Variants in DACH2 observed in about 807,000 individuals in gnomAD.
The protein encoded by DACH2 is dachshund family transcription factor 2.
A neutral mutation model predicts 35.8 loss-of-function variants in DACH2; 17 were observed. That is an observed-to-expected ratio of 0.48 (90% CI 0.33 to 0.71). The LOEUF is 0.71. Ranked by LOEUF, DACH2 falls within the 30% of genes least tolerant of loss-of-function variation. The probability of loss-of-function intolerance (pLI) is 0.02; values close to 1 mark genes in which losing one functional copy is unlikely to be tolerated. For missense variants in DACH2, 469 were observed against 472.7 expected, an observed-to-expected ratio of 0.99 and a Z score of 0.07; for synonymous variants, 195 against 177.3, an observed-to-expected ratio of 1.10 and a Z score of -0.79.
intron 2 of DACH2, among the ~76,000 whole-genome samples, chrX:86,385,491 C>T (rs968569130): frequency 1.8e-5 from 2 of 111,238 alleles, no homozygotes; most frequent in Non-Finnish European, 3.8e-5. Flanking sequence ...ATTCAGTATA[C>T]AACAATTTAC....
intron 3 of DACH2, among the ~76,000 whole-genome samples, chrX:86,527,132 A>G (rs2038645131): frequency 9.0e-6 from 1 of 111,633 alleles, no homozygotes; most frequent in Non-Finnish European, 1.9e-5. Context: ...ATCAGTTGAT[A>G]GATGTCTGCC....
chrX:86,309,385 T>A (rs2034753022), intron 1 of DACH2, among the ~76,000 whole-genome samples: 1 of 112,368 alleles, frequency 8.9e-6, no homozygotes, highest in Admixed American at 9.4e-5. Flanking sequence ...CCATTCCTGT[T>A]TATAAGCCCC....
At chrX:86,277,764 G>A (rs2033945712) in intron 1 of DACH2, among the ~76,000 whole-genome samples, 2 of 111,780 alleles carry the variant, frequency 1.8e-5, no homozygotes, top group South Asian at 7.5e-4. Flanking sequence ...ATTGAAGCCA[G>A]TCCTTTTACA....
At chrX:86,234,164 G>A (rs888352658) in intron 1 of DACH2, among the ~76,000 whole-genome samples, 1 of 112,153 alleles carries the variant, frequency 8.9e-6, no homozygotes, top group African/African-American at 3.2e-5. Context: ...CACTTTGAAT[G>A]AAGAGGATTT....
chrX:86,445,949 G>A (rs925639120), intron 2 of DACH2, among the ~76,000 whole-genome samples: 1 of 111,547 alleles, frequency 9.0e-6, no homozygotes, highest in Non-Finnish European at 1.9e-5. Context: ...TAAGTGAGAC[G>A]TTGATGTCCC....
chrX:86,292,718 C>T (rs2034333046), intron 1 of DACH2, among the ~76,000 whole-genome samples: 1 of 111,566 alleles, frequency 9.0e-6, no homozygotes. Context: ...TGTTCTGTTT[C>T]CATGTAGTTG....
chrX:86,189,561 T>A (rs1331285052), intron 1 of DACH2, among the ~76,000 whole-genome samples: 2 of 111,629 alleles, frequency 1.8e-5, no homozygotes, highest in Admixed American at 1.9e-4. Context: ...GTAGCGTGTT[T>A]GTTAGTTTAA....
intron 5 of DACH2, among the ~76,000 whole-genome samples, chrX:86,706,861 T>G: frequency 9.0e-6 from 1 of 110,639 alleles, no homozygotes; most frequent in East Asian, 2.8e-4. Flanking sequence ...TAGAGGGAAA[T>G]ATATAGCATT....
chrX:86,219,259 T>C (rs1423201083), intron 1 of DACH2, among the ~76,000 whole-genome samples: 1 of 111,924 alleles, frequency 8.9e-6, no homozygotes, highest in Non-Finnish European at 1.9e-5. Context: ...CATGAAATTT[T>C]TTTTTTCTAT....
At chrX:86,175,708 CA>C (rs780809973) in intron 1 of DACH2, among the ~76,000 whole-genome samples, 29 of 111,110 alleles carry the variant, frequency 2.6e-4, no homozygotes, top group African/African-American at 9.5e-4. Flanking sequence ...TTCCTTTAGA[CA>C]GAAGCAAGAT....
At chrX:86,261,321 A>C (rs2033620670) in intron 1 of DACH2, among the ~76,000 whole-genome samples, 1 of 112,164 alleles carries the variant, frequency 8.9e-6, no homozygotes, top group Non-Finnish European at 1.9e-5. Context: ...CCCTGAGGTA[A>C]TCTAATGATA....
At position 86,160,284 on chromosome X, in the gene DACH2, C is replaced by T. The variant is rs187725772; in HGVS notation, c.488+11176C>T. ...GACTTGGTGACCTTGCCAGCTCCAGCAGCCTTCTGATCCACTGCCTTGATG... is the reference window on the plus strand; with the variant it reads ...GACTTGGTGACCTTGCCAGCTCCAGTAGCCTTCTGATCCACTGCCTTGATG... On this transcript the variant is annotated intron_variant, in intron 1 of 11. Coordinates refer to ENST00000373125, the MANE Select transcript of DACH2 (RefSeq NM_053281.3). The T allele has an allele frequency of 4.5e-4, 539 of 1,190,062 alleles. 2 individuals carry two copies. In the African/African-American group the frequency reaches 8.0e-3, roughly 18 times the overall value.
intron 11 of DACH2, among the ~76,000 whole-genome samples, chrX:86,822,226 C>T (rs749192727): frequency 8.9e-6 from 1 of 111,978 alleles, no homozygotes; most frequent in Non-Finnish European, 1.9e-5. Context: ...TAATCATATG[C>T]CATCATTTTC....
chrX:86,823,340 C>A (rs943377930), intron 11 of DACH2, among the ~76,000 whole-genome samples: 24 of 112,131 alleles, frequency 2.1e-4, no homozygotes, highest in African/African-American at 7.8e-4. Context: ...TGTAACATTA[C>A]CTTTTGGAAA....
chrX:86,393,003 C>G (rs568219155), intron 2 of DACH2, among the ~76,000 whole-genome samples: 3 of 110,147 alleles, frequency 2.7e-5, no homozygotes, highest in African/African-American at 9.9e-5. Context: ...AATAAATATC[C>G]TATAATGCAC....
chrX:86,183,435 T>A (rs1218045425), intron 1 of DACH2, among the ~76,000 whole-genome samples: 1 of 112,305 alleles, frequency 8.9e-6, no homozygotes, highest in Non-Finnish European at 1.9e-5. Flanking sequence ...AAGATAATCA[T>A]GTGGTTTTTG....
At chrX:86,719,516 C>T (rs2041376682) in intron 6 of DACH2, among the ~76,000 whole-genome samples, 2 of 111,300 alleles carry the variant, frequency 1.8e-5, no homozygotes, top group African/African-American at 6.6e-5. Context: ...TGAAGAAATA[C>T]CTGAGACTGG....
intron 3 of DACH2, among the ~76,000 whole-genome samples, chrX:86,573,039 G>A (rs191489909): frequency 1.1e-3 from 127 of 111,033 alleles, no homozygotes; most frequent in African/African-American, 4.1e-3. Context: ...CTAGGGCTTG[G>A]AGCATTTATC....
chrX:86,419,867 AG>A (rs1489999196), intron 2 of DACH2, among the ~76,000 whole-genome samples: 1 of 111,759 alleles, frequency 8.9e-6, no homozygotes, highest in African/African-American at 3.3e-5. Context: ...TCCAATAGAA[AG>A]GGTGGAATTG....
Sources: gnomAD v4.1 joint callset for allele counts (sites outside exome capture counted in the v4.1 genomes callset) on GRCh38, gnomAD v4.1.1 for gene constraint, MANE v1.5 for transcripts, NCBI Gene and HGNC (gene_info 2026-07-23, HGNC 2026-07-21) for gene names.